The following SGK1 variants were observed in gnomAD, a reference collection of about 807,000 sequenced individuals.
SGK1 encodes serine/threonine-protein kinase Sgk1.
In SGK1, 26 loss-of-function variants were observed where a neutral mutation model predicts 64.2. That is an observed-to-expected ratio of 0.40 (90% CI 0.30 to 0.56). SGK1 has a LOEUF of 0.56. SGK1 is among the 20% of genes least tolerant of loss of function. SGK1 has a pLI of 0.38. For missense variants in SGK1, 519 were observed against 645.6 expected, an observed-to-expected ratio of 0.80 and a Z score of 2.12; for synonymous variants, 265 against 239.7, an observed-to-expected ratio of 1.11 and a Z score of -0.98.
chr6:134,311,018 T>C (rs1008887557), intron 1 of SGK1, among the ~76,000 whole-genome samples: 10 of 152,366 alleles, frequency 6.6e-5, no homozygotes, highest in South Asian at 6.2e-4. Context: ...TTATGGGCAT[T>C]GGATCAGCAA....
At chr6:134,230,995 C>G (rs1391538381) in intron 2 of SGK1, among the ~76,000 whole-genome samples, 1 of 152,100 alleles carries the variant, frequency 6.6e-6, no homozygotes, top group African/African-American at 2.4e-5. Context: ...GCCTGGGGAA[C>G]AGAGAAAGAC....
chr6:134,218,770 G>T (rs774370439), intron 2 of SGK1: 1 of 152,138 alleles, frequency 6.6e-6, no homozygotes, highest in Non-Finnish European at 1.5e-5. Flanking sequence ...GTTGAGGTGG[G>T]TGCTATGGAG....
At chr6:134,211,249 A>T (rs1306746618) in intron 2 of SGK1, among the ~76,000 whole-genome samples, 4 of 152,222 alleles carry the variant, frequency 2.6e-5, no homozygotes, top group Non-Finnish European at 5.9e-5. Flanking sequence ...AAGACATTTG[A>T]TACATAAATA....
rs752690924 is a variant in SGK1 at position 134,207,384 on chromosome 6, T to C, written c.333A>G (p.Pro111=). 3.7e-6 allele frequency: 6 copies of C among 1,612,522 alleles called. No homozygotes were observed. Among genetic ancestry groups the C allele is most frequent in the South Asian group, 1.1e-5 (1 of 90,984 alleles). ...GATCATCATTAGTCCAGAAGGTTCT[T>C]GGATCGGGCTTGGTCAGGATGTTGG... is the stretch of plus-strand genomic sequence containing the variant. ...NHANILTKPD[P]RTFWTNDDPA... is the part of the protein sequence containing the mutation. The change falls in exon 3 of 14, where the codon CCA becomes CCG. Residue 111 remains proline, a synonymous_variant. Transcript: ENST00000367858.
intron 3 of SGK1, among the ~76,000 whole-genome samples, chr6:134,181,574 AC>A (rs750534444): frequency 1.3e-5 from 2 of 151,866 alleles, no homozygotes; most frequent in Non-Finnish European, 2.9e-5. Flanking sequence ...CGGATTCCTG[AC>A]CTCAAGTGAT....
intron 3 of SGK1, among the ~76,000 whole-genome samples, chr6:134,194,084 A>G (rs1775560238): frequency 6.6e-6 from 1 of 151,962 alleles, no homozygotes; most frequent in African/African-American, 2.4e-5. Context: ...GGGATGTGGG[A>G]GGAAAGTGGA....
chr6:134,299,077 G>C (rs9385681), intron 1 of SGK1, among the ~76,000 whole-genome samples: 26,316 of 151,870 alleles, frequency 0.17, 3,103 homozygotes, highest in East Asian at 0.63. Context: ...GGGATTACAG[G>C]TGTGAGCCAC....
chr6:134,216,715 C>T (rs1775992233), intron 2 of SGK1, among the ~76,000 whole-genome samples: 1 of 152,128 alleles, frequency 6.6e-6, no homozygotes, highest in African/African-American at 2.4e-5. Flanking sequence ...TGCGGTAGAG[C>T]TAATGTTTTG....
At chr6:134,290,669 C>T (rs1777251334) in intron 1 of SGK1, among the ~76,000 whole-genome samples, 1 of 152,120 alleles carries the variant, frequency 6.6e-6, no homozygotes, top group Admixed American at 6.5e-5. Flanking sequence ...TGGAGCTTCT[C>T]ATTGTGCCTC....
chr6:134,176,811 T>C (rs576347190), intron 3 of SGK1, among the ~76,000 whole-genome samples: 1 of 152,292 alleles, frequency 6.6e-6, no homozygotes, highest in South Asian at 2.1e-4. Flanking sequence ...AGCTCTAGTC[T>C]CAACTCCTTG....
intron 3 of SGK1, among the ~76,000 whole-genome samples, chr6:134,192,825 C>A (rs1775536613): frequency 6.6e-6 from 1 of 152,208 alleles, no homozygotes; most frequent in African/African-American, 2.4e-5. Flanking sequence ...TCCCAAAGTG[C>A]TGGGATTACA....
At chr6:134,245,525 T>C (rs1776513456) in intron 2 of SGK1, among the ~76,000 whole-genome samples, 1 of 152,190 alleles carries the variant, frequency 6.6e-6, no homozygotes, top group Non-Finnish European at 1.5e-5. Context: ...AACTTGAAGA[T>C]TTTTACTTCA....
intron 1 of SGK1, among the ~76,000 whole-genome samples, chr6:134,266,544 G>C (rs868628929): frequency 4.6e-5 from 7 of 152,198 alleles, no homozygotes; most frequent in African/African-American, 1.7e-4. Context: ...GAACCTCGGA[G>C]GCAGAGGTTG....
chr6:134,220,664 A>G (rs760664222), intron 2 of SGK1, among the ~76,000 whole-genome samples: 9 of 152,196 alleles, frequency 5.9e-5, no homozygotes, highest in Non-Finnish European at 7.3e-5. Context: ...TAGGGCCTCT[A>G]AGTTTTAATA....
chr6:134,250,194 A>C (rs769803284), intron 2 of SGK1, among the ~76,000 whole-genome samples: 1 of 152,230 alleles, frequency 6.6e-6, no homozygotes, highest in Non-Finnish European at 1.5e-5. Flanking sequence ...CTCAAGGCCA[A>C]TGAACATTGG....
intron 1 of SGK1, among the ~76,000 whole-genome samples, chr6:134,295,357 AC>A (rs2114784601): frequency 6.6e-6 from 1 of 152,300 alleles, no homozygotes; most frequent in East Asian, 1.9e-4. Flanking sequence ...GTCACAATAA[AC>A]CACTGACATA....
At chr6:134,275,470 A>T (rs1001287046) in intron 1 of SGK1, among the ~76,000 whole-genome samples, 1 of 152,206 alleles carries the variant, frequency 6.6e-6, no homozygotes, top group African/African-American at 2.4e-5. Context: ...TGGCTTTCAA[A>T]CCTGTTTCAT....
At chr6:134,237,900 G>C (rs1776388050) in intron 2 of SGK1, among the ~76,000 whole-genome samples, 2 of 152,088 alleles carry the variant, frequency 1.3e-5, no homozygotes, top group Non-Finnish European at 2.9e-5. Context: ...ATTTAAATTA[G>C]AATAAACTTG....
chr6:134,277,202 A>G (rs1260006053), intron 1 of SGK1, among the ~76,000 whole-genome samples: 1 of 152,016 alleles, frequency 6.6e-6, no homozygotes, highest in East Asian at 1.9e-4. Flanking sequence ...GGTGCCTTTA[A>G]TCCCAGCTAC....
Sources: allele counts gnomAD v4.1 joint callset (sites outside exome capture counted in the v4.1 genomes callset), GRCh38; gene constraint gnomAD v4.1.1; transcripts MANE v1.5; gene names NCBI Gene and HGNC (gene_info 2026-07-23, HGNC 2026-07-21).